Variants in SDK1 observed in about 807,000 individuals in gnomAD.
The protein encoded by SDK1 is sidekick cell adhesion molecule 1.
A neutral mutation model predicts 245.5 loss-of-function variants in SDK1; 157 were observed. The observed-to-expected ratio is 0.64, with a 90% CI of 0.56 to 0.73. SDK1 has a LOEUF of 0.73. Ranked by LOEUF, SDK1 falls within the 30% of genes least tolerant of loss-of-function variation. The pLI is 0.00. For synonymous variants in SDK1, 1,647 were observed against 1,278.5 expected (o/e 1.29, Z -6.15); for missense variants, 3,583 against 3,002.3 (o/e 1.19, Z -4.52).
At chr7:3,318,120 T>C (rs796495483) in intron 1 of SDK1, among the ~76,000 whole-genome samples, 16 of 152,350 alleles carry the variant, frequency 1.1e-4, no homozygotes, top group African/African-American at 3.6e-4. Context: ...GATGGTAGCA[T>C]ACTCTTAGCT....
At chr7:4,200,851 C>T (rs1375174850) in intron 35 of SDK1, among the ~76,000 whole-genome samples, 2 of 152,202 alleles carry the variant, frequency 1.3e-5, no homozygotes, top group Admixed American at 6.5e-5. Flanking sequence ...AGCTCAGGGG[C>T]CAAATCCAGC....
At chr7:3,923,754 G>A (rs765969581) in intron 5 of SDK1, among the ~76,000 whole-genome samples, 8 of 152,226 alleles carry the variant, frequency 5.3e-5, no homozygotes, top group Non-Finnish European at 8.8e-5. Flanking sequence ...CTTTCACGAG[G>A]CATTTGCAGA....
At chr7:4,003,888 G>A (rs546825385) in intron 14 of SDK1, among the ~76,000 whole-genome samples, 8 of 152,304 alleles carry the variant, frequency 5.3e-5, no homozygotes, top group Non-Finnish European at 7.3e-5. Flanking sequence ...GGGGGCCCTC[G>A]CGGGCATTGC....
intron 1 of SDK1, among the ~76,000 whole-genome samples, chr7:3,564,355 G>C (rs1011437335): frequency 3.9e-5 from 6 of 152,110 alleles, no homozygotes; most frequent in African/African-American, 1.2e-4. Flanking sequence ...ACAGGACAAT[G>C]CTGGCACCTG....
chr7:4,161,742 T>G, intron 31 of SDK1, 44 bp from the exon 32 acceptor site: 2 of 1,552,790 alleles, frequency 1.3e-6, no homozygotes, highest in South Asian at 1.1e-5. Flanking sequence ...CGGCAGAACA[T>G]AACAACCACC....
At chr7:4,064,439 G>T (rs1455539071) in intron 19 of SDK1, among the ~76,000 whole-genome samples, 1 of 152,172 alleles carries the variant, frequency 6.6e-6, no homozygotes, top group African/African-American at 2.4e-5. Context: ...ATCATGTGGA[G>T]AACAGGGAAC....
chr7:4,167,964 T>A (rs191776199), intron 32 of SDK1, among the ~76,000 whole-genome samples: 1 of 152,350 alleles, frequency 6.6e-6, no homozygotes, highest in Admixed American at 6.5e-5. Context: ...GGAGCCGCCC[T>A]GCTGATGCCT....
At chr7:3,580,996 C>T in intron 1 of SDK1, among the ~76,000 whole-genome samples, 1 of 92,966 alleles carries the variant, frequency 1.1e-5, no homozygotes, top group Non-Finnish European at 2.0e-5. Context: ...AAAAAAAAAC[C>T]AAAACAAAAC....
At chr7:3,784,079 TTTTC>T (rs900227185) in intron 4 of SDK1, among the ~76,000 whole-genome samples, 24 of 147,160 alleles carry the variant, frequency 1.6e-4, no homozygotes, top group East Asian at 9.7e-4. Context: ...TTCTTTTTTC[TTTTC>T]TTTGTTTTTT....
chr7:4,173,604 A>C (rs932822654), intron 32 of SDK1, among the ~76,000 whole-genome samples: 14 of 152,202 alleles, frequency 9.2e-5, no homozygotes, highest in African/African-American at 2.7e-4. Context: ...CTGCAGGGTG[A>C]GAGCTGGATG....
At chr7:3,728,228 G>C (rs1277049100) in intron 4 of SDK1, among the ~76,000 whole-genome samples, 1 of 152,160 alleles carries the variant, frequency 6.6e-6, no homozygotes, top group Non-Finnish European at 1.5e-5. Flanking sequence ...CCACTGTAAA[G>C]TTACTCCGTT....
intron 1 of SDK1, among the ~76,000 whole-genome samples, chr7:3,479,420 T>TTTA (rs1781442676): frequency 3.0e-5 from 1 of 33,574 alleles, no homozygotes; most frequent in Admixed American, 4.1e-4. Context: ...AGACTGTGTC[T>TTTA]CAAAAAAAAA....
intron 7 of SDK1, among the ~76,000 whole-genome samples, chr7:3,955,961 CTG>C (rs1436745722): frequency 1.3e-5 from 2 of 152,200 alleles, no homozygotes; most frequent in African/African-American, 4.8e-5. Flanking sequence ...GCCATGGGCT[CTG>C]GGCCATGTGG....
chr7:3,993,807 C>T (rs535115489), intron 14 of SDK1, among the ~76,000 whole-genome samples: 1 of 152,114 alleles, frequency 6.6e-6, no homozygotes, highest in Admixed American at 6.5e-5. Flanking sequence ...TAATTACCTG[C>T]ACCTCCTCAC....
intron 1 of SDK1, among the ~76,000 whole-genome samples, chr7:3,426,272 A>G (rs139897447): frequency 3.3e-5 from 5 of 152,224 alleles, no homozygotes; most frequent in Admixed American, 6.5e-5. Context: ...GCAGGAAGGG[A>G]CTGCAGCATG....
At chr7:3,619,345 T>A in intron 2 of SDK1, 106 bp downstream of exon 2, 1 of 876,844 alleles carries the variant, frequency 1.1e-6, no homozygotes, top group Non-Finnish European at 1.8e-6. Flanking sequence ...GGATTGAATT[T>A]CTAATGCATT....
At chr7:3,551,931 A>T (rs1779429541) in intron 1 of SDK1, among the ~76,000 whole-genome samples, 1 of 152,238 alleles carries the variant, frequency 6.6e-6, no homozygotes, top group Non-Finnish European at 1.5e-5. Context: ...TCAAGCTTTT[A>T]AAAACTCTTA....
intron 5 of SDK1, among the ~76,000 whole-genome samples, chr7:3,835,791 A>ATTT (rs1780017054): frequency 1.4e-5 from 2 of 145,248 alleles, no homozygotes; most frequent in African/African-American, 2.5e-5. Flanking sequence ...TGGAATCAAA[A>ATTT]GACAAACAAG....
At chr7:4,053,910 T>TTGC (rs972930334) in intron 19 of SDK1, among the ~76,000 whole-genome samples, 1 of 151,946 alleles carries the variant, frequency 6.6e-6, no homozygotes, top group African/African-American at 2.4e-5. Flanking sequence ...GGGTTTTTTG[T>TTGC]TGTTGTTGGT....
Sources: gnomAD v4.1 joint callset for allele counts (sites outside exome capture counted in the v4.1 genomes callset) on GRCh38, gnomAD v4.1.1 for gene constraint, MANE v1.5 for transcripts, NCBI Gene and HGNC (gene_info 2026-07-23, HGNC 2026-07-21) for gene names.